ATP8B3: variants seen among roughly 807,000 people sequenced by gnomAD.
ATP8B3 encodes the protein phospholipid-transporting ATPase IK.
In ATP8B3, 141 loss-of-function variants were observed where a neutral mutation model predicts 140.9. That is an observed-to-expected ratio of 1.00 (90% CI 0.87 to 1.15). The LOEUF (loss-of-function observed/expected upper bound fraction) is 1.15. ATP8B3 is among the 50% of genes most tolerant of loss of function. The pLI is 0.00. For missense variants in ATP8B3, 1,874 were observed against 1,740.6 expected (o/e 1.08, Z -1.36); for synonymous variants, 765 against 714.6 (o/e 1.07, Z -1.13).
Position 1,811,835 on chromosome 19 carries a change from T to C in ATP8B3, c.-99A>G, listed in dbSNP as rs971507858. On this transcript the variant is annotated 5_prime_UTR_variant, in exon 2 of 29. Coordinates refer to ENST00000310127, the MANE Select transcript of ATP8B3 (RefSeq NM_138813.4). ...ACCCCCGTGGGGGCAGACTGGGGAT[T>C]GGAGAGTTGGAGAGAATGCTCAAAT... The C allele has an allele frequency of 7.9e-7, 1 of 1,265,156 alleles. No individual in the cohort carries two copies. Among genetic ancestry groups the C allele is most frequent in the African/African-American group, 1.5e-5 (1 of 66,652 alleles). The allele number at this position is 1,265,156 out of a possible 1,614,324, so 78.4% of individuals were successfully genotyped here. A position where few individuals can be genotyped will look rare whatever the true frequency, so the allele number is the denominator to read the frequency against.
chr19:1,785,591 G>C lies in ATP8B3; in HGVS notation c.3271C>G (p.Leu1091Val), dbSNP rs201896897. The change falls in exon 26 of 29, where the codon CTG (leucine) becomes GTG (valine). Residue 1091 changes from leucine to valine, a missense_variant. Leu to Val is a conservative substitution (Grantham distance 32, BLOSUM62 1). Around this residue, in one of 3 missense-constraint regions of ATP8B3, gnomAD observed 840 missense variants for 760.9 expected, o/e 1.10. Coordinates refer to ENST00000310127, the MANE Select transcript of ATP8B3 (RefSeq NM_138813.4). ...QAIAHGVTTS[L>V]VNFFMTLWIS... ...CACAGTGTCATGAAGAAGTTGACCAGAGAGGTGGTCACACCATGGGCGATG... is the reference window on the plus strand; with the variant it reads ...CACAGTGTCATGAAGAAGTTGACCACAGAGGTGGTCACACCATGGGCGATG... 6.9e-5 allele frequency: 111 copies of C among 1,613,148 alleles called. No homozygotes were observed. The highest frequency in any genetic ancestry group is 8.4e-5 in the Non-Finnish European group (99 of 1,179,906).
chr19:1,806,242 C>G lies in ATP8B3; in HGVS notation c.678-73G>C, dbSNP rs1041788737. 4.6e-6 allele frequency: 7 copies of G among 1,538,412 alleles called. No homozygotes were observed. The African/African-American group carries it at 8.2e-5, about 18-fold the overall frequency. On this transcript the variant is annotated intron_variant, in intron 7 of 28. Transcript: ENST00000310127. This position sits in a 1 kb window ranked among gnomAD's most constrained non-coding sequence, Gnocchi z 5.6. ...TCCCCACACCGGGAGACCAGAGGCACGGGATGACGGGGGGCCCGCAGCTGC... is the reference window on the plus strand; with the variant it reads ...TCCCCACACCGGGAGACCAGAGGCAGGGGATGACGGGGGGCCCGCAGCTGC...
chr19:1,796,925 C>G (rs1316991040), intron 15 of ATP8B3, 46 bp from the exon 16 acceptor site: 1 of 1,611,704 alleles, frequency 6.2e-7, no homozygotes, highest in Admixed American at 1.7e-5. Context: ...GGCCGCTCCC[C>G]GTGCCCCGTC....
chr19:1,796,193 A>T lies in ATP8B3; in HGVS notation c.1826T>A (p.Val609Glu). 6.2e-7 allele frequency: 1 copy of T among 1,612,806 alleles called. No individual in the cohort carries two copies. Among genetic ancestry groups the T allele is most frequent in the Non-Finnish European group, 8.5e-7 (1 of 1,179,840 alleles). The change falls in exon 17 of 29, where the codon GTG becomes GAG. Residue 609 changes from valine to glutamate, a missense_variant. By Grantham distance (121) the Val-to-Glu change is moderately radical (BLOSUM62 -2). Transcript: ENST00000310127. ...LVTAARNFGYVFLSRTQDTVT... is the reference protein window; with the variant it reads ...LVTAARNFGYEFLSRTQDTVT... ...GGTGTCCTGGGTGCGGGACAGGAAC[A>T]CGTAGCCGAAGTTCCGGGCTGCGGT...
intron 28 of ATP8B3, among the ~76,000 whole-genome samples, chr19:1,783,704 A>G (rs1368181714): frequency 6.6e-6 from 1 of 152,200 alleles, no homozygotes; most frequent in East Asian, 1.9e-4. Flanking sequence ...CAGCCTGTGC[A>G]GTAAAGGTGG....
chr19:1,785,741 G>C, intron 25 of ATP8B3, 33 bp from the exon 26 acceptor site: 1 of 1,292,416 alleles, frequency 7.7e-7, no homozygotes, highest in Non-Finnish European at 1.1e-6. Context: ...GGGATTGGGT[G>C]GGGGGCGGGG....
intron 25 of ATP8B3, among the ~76,000 whole-genome samples, chr19:1,786,423 G>A (rs907771421): frequency 5.3e-5 from 8 of 151,896 alleles, no homozygotes; most frequent in East Asian, 3.9e-4. Flanking sequence ...AAAATTAGCC[G>A]GGCATGGTGG....
At position 1,811,165 on chromosome 19, in the gene ATP8B3, T is replaced by C. The variant is rs116839750; in HGVS notation, c.248+324A>G. Among the ~76,000 whole-genome samples, 1,259 of 152,278 alleles carry C rather than the reference T, an allele frequency of 8.3e-3. 20 individuals carry two copies. Among genetic ancestry groups the C allele is most frequent in the African/African-American group, 0.028 (1,168 of 41,554 alleles). On this transcript the variant is annotated intron_variant, in intron 2 of 28. Coordinates refer to ENST00000310127, the MANE Select transcript of ATP8B3 (RefSeq NM_138813.4). ...CTGACTGAATGGGACCCCCGGGCTA[T>C]ATGTTATATCTCAAAACACAGCATG...
intron 10 of ATP8B3, among the ~76,000 whole-genome samples, chr19:1,804,886 A>G (rs1461622427): frequency 6.6e-6 from 1 of 152,280 alleles, no homozygotes; most frequent in Non-Finnish European, 1.5e-5. Context: ...CACCACAGGA[A>G]TTGCCAGCCC....
chr19:1,791,834 T>C lies in ATP8B3; in HGVS notation c.2218A>G (p.Arg740Gly). The C allele has an allele frequency of 6.2e-7, 1 of 1,611,512 alleles. No individual in the cohort carries two copies. The highest frequency in any genetic ancestry group is 8.5e-7 in the Non-Finnish European group (1 of 1,179,808). The change falls in exon 20 of 29, where the codon AGA (arginine) becomes GGA (glycine). Residue 740 changes from arginine (R) to glycine (G), a missense_variant. Coordinates refer to ENST00000310127, the MANE Select transcript of ATP8B3 (RefSeq NM_138813.4). ...QLLGATAIED[R>G]LQDGVPETIK... ...GTTTCAGGGACACCGTCCTGGAGTC[T>C]GTCCTCGATGGCTGTGGCTCCCAGC...
Position 1,789,125 on chromosome 19 carries a change from A to G in ATP8B3, c.2846-5T>C, listed in dbSNP as rs1185742876. ...GCCCCACGCCCACGTCCGCGGCTGCAGGGCACAAGCAGCTGGTCAGCCCCC... is the reference window on the plus strand; with the variant it reads ...GCCCCACGCCCACGTCCGCGGCTGCGGGGCACAAGCAGCTGGTCAGCCCCC... On this transcript the variant is annotated splice_region_variant and splice_polypyrimidine_tract_variant and intron_variant, in intron 23 of 28. Coordinates refer to ENST00000310127, the MANE Select transcript of ATP8B3 (RefSeq NM_138813.4). The G allele has an allele frequency of 1.9e-6, 3 of 1,570,620 alleles. No homozygotes were observed. Among genetic ancestry groups the G allele is most frequent in the Middle Eastern group, 2.2e-4 (1 of 4,470 alleles).
Position 1,788,999 on chromosome 19 carries a change from G to A in ATP8B3, c.2967C>T (p.Ser989=), listed in dbSNP as rs777486374. 6.3e-5 allele frequency: 102 copies of A among 1,610,368 alleles called. No individual in the cohort carries two copies. The highest frequency in any genetic ancestry group is 7.7e-5 in the Non-Finnish European group (91 of 1,178,830). The change falls in exon 24 of 29, where the codon TCC becomes TCT. Residue 989 remains serine (S), a synonymous_variant. Transcript: ENST00000310127. ...QRLLLVHGRW[S]YVRICKFLRY... Reference sequence around the variant, plus strand: ...GCAGGAACTTGCAGATCCGCACGTAGGACCAGCGGCCGTGCACCAGCAGGA... The same window carrying A: ...GCAGGAACTTGCAGATCCGCACGTAAGACCAGCGGCCGTGCACCAGCAGGA...
At position 1,806,450 on chromosome 19, in the gene ATP8B3, C is replaced by T. The variant is rs1294242535; in HGVS notation, c.677+178G>A. 6.2e-6 allele frequency: 9 copies of T among 1,452,960 alleles called. No homozygotes were observed. The highest frequency in any genetic ancestry group is 5.0e-5 in the East Asian group (2 of 40,294). 90.0% of individuals were successfully genotyped at this position (1,452,960 alleles called of 1,614,324 possible). On this transcript the variant is annotated intron_variant, in intron 7 of 28. Transcript: ENST00000310127. This position sits in a 1 kb window ranked among gnomAD's most constrained non-coding sequence, Gnocchi z 5.6. ...CTGCAAGGGTTCGCCATCAGGGCCTCGGCCTCTGTCCTCGTCCCGGCCAAA... is the reference window on the plus strand; with the variant it reads ...CTGCAAGGGTTCGCCATCAGGGCCTTGGCCTCTGTCCTCGTCCCGGCCAAA...
In ATP8B3 at chr19:1,811,818, G is replaced by A. The variant is rs1013715379; in HGVS notation, c.-82C>T. The A allele has an allele frequency of 6.4e-6, 9 of 1,400,614 alleles. No homozygotes were observed. Among genetic ancestry groups the A allele is most frequent in the Non-Finnish European group, 8.6e-6 (9 of 1,050,492 alleles). The allele number at this position is 1,400,614 out of a possible 1,614,324, so 86.8% of individuals were successfully genotyped here. A position where few individuals can be genotyped will look rare whatever the true frequency, so the allele number is the denominator to read the frequency against. On this transcript the variant is annotated 5_prime_UTR_variant, in exon 2 of 29. Coordinates refer to ENST00000310127, the MANE Select transcript of ATP8B3 (RefSeq NM_138813.4). ...GGGGAGAGGTGGGGGAGACCCCCGT[G>A]GGGGCAGACTGGGGATTGGAGAGTT...
At chr19:1,790,277 CCCCCCTCCCCTCCCTCTCCCCT>C in intron 21 of ATP8B3, among the ~76,000 whole-genome samples, 1 of 24,254 alleles carries the variant, frequency 4.1e-5, no homozygotes, top group Non-Finnish European at 8.5e-5. Flanking sequence ...CTCCGCTGCT[CCCCCCTCCCCTCCCTCTCCCCT>C]CCCCCTCCCT....
At position 1,784,867 on chromosome 19, in the gene ATP8B3, G is replaced by C. The variant is rs756699166; in HGVS notation, c.3612C>G (p.Val1204=). 1 of 1,612,646 alleles carries C rather than the reference G, an allele frequency of 6.2e-7. No homozygotes were observed. The highest frequency in any genetic ancestry group is 8.5e-7 in the Non-Finnish European group (1 of 1,179,452). Residue 1204 remains valine (V), a synonymous_variant, in exon 28 of 29, where the codon GTC becomes GTG. Coordinates refer to ENST00000310127, the MANE Select transcript of ATP8B3 (RefSeq NM_138813.4). ...CTGGGAAGATGACTCGGAGGGCCAG[G>C]ACAGGGAAGGTGTTTATGGACACAC... ...LLSVSINTFP[V]LALRVIFPAL...
chr19:1,797,975 T>TTG lies in ATP8B3; in HGVS notation c.1553-972_1553-971dup, dbSNP rs910850284. On this transcript the variant is annotated intron_variant, in intron 14 of 28. Coordinates refer to ENST00000310127, the MANE Select transcript of ATP8B3 (RefSeq NM_138813.4). Reference sequence around the variant, plus strand: ...GCATGCCACCCCTTTGTGGTGTCTTTTGTGTGTGTGTGTGATGGAGTCTCT... The same window carrying TTG: ...GCATGCCACCCCTTTGTGGTGTCTTTTGTGTGTGTGTGTGTGATGGAGTCTCT... Among the ~76,000 whole-genome samples the TTG allele has an allele frequency of 1.3e-4, 20 of 151,368 alleles. 2 individuals carry two copies. Among genetic ancestry groups the TTG allele is most frequent in the South Asian group, 6.3e-4 (3 of 4,788 alleles).
intron 24 of ATP8B3, among the ~76,000 whole-genome samples, chr19:1,787,728 TAAAAAAAAAAAAAA>T (rs561418063): frequency 1.7e-5 from 2 of 119,726 alleles, no homozygotes; most frequent in African/African-American, 3.1e-5. Flanking sequence ...AAACTCTGTC[TAAAAAAAAAAAAAA>T]AAAAAAAAAA....
At position 1,800,017 on chromosome 19, in the gene ATP8B3, C is replaced by G. The variant is rs762455842; in HGVS notation, c.1482G>C (p.Ser494=). The change falls in exon 14 of 29, where the codon TCG becomes TCC. Residue 494 remains serine, a synonymous_variant. Coordinates refer to ENST00000310127, the MANE Select transcript of ATP8B3 (RefSeq NM_138813.4). This position sits in a 1 kb window ranked among gnomAD's most constrained non-coding sequence, Gnocchi z 4.4. ...TCTGCGTGAGCGTGCCCGTCTTGTC[C>G]GAGAAGATGTATTCCACCTGGCCCA... is the stretch of plus-strand genomic sequence containing the variant. The part of the protein sequence containing the change: ...DHLGQVEYIF[S]DKTGTLTQNI... 3.1e-6 allele frequency: 5 copies of G among 1,605,928 alleles called. No homozygotes were observed. The African/African-American group carries it at 4.0e-5, about 13-fold the overall frequency.
Sources: gnomAD v4.1 joint callset for allele counts (sites outside exome capture counted in the v4.1 genomes callset) on GRCh38, gnomAD v4.1.1 for gene constraint, gnomAD v4.1.1 regional missense constraint, Gnocchi (gnomAD v3.1) non-coding constraint, MANE v1.5 for transcripts, NCBI Gene and HGNC (gene_info 2026-07-23, HGNC 2026-07-21) for gene names.